Variants in SORBS2 observed in about 807,000 individuals in gnomAD.
SORBS2 encodes sorbin and SH3 domain-containing protein 2.
In SORBS2, 46 loss-of-function variants were observed where a neutral mutation model predicts 97.7. The ratio of observed to expected loss-of-function variants is 0.47; its 90% confidence interval spans 0.37 to 0.60. SORBS2 has a LOEUF of 0.60. Ranked by LOEUF, SORBS2 falls within the 20% of genes least tolerant of loss-of-function variation. The pLI is 0.00. For missense variants in SORBS2, 1,316 were observed against 1,282.3 expected (o/e 1.03, Z -0.40); for synonymous variants, 476 against 473.4 (o/e 1.01, Z -0.07).
At chr4:185,657,619 T>A (rs765091325), upstream of SORBS2, 1 of 1,585,252 alleles carries the variant, frequency 6.3e-7, no homozygotes, top group Non-Finnish European at 8.6e-7. Flanking sequence ...TTTGGTAACA[T>A]GGAACGTATT....
intron 1 of SORBS2, among the ~76,000 whole-genome samples, chr4:185,939,297 C>A (rs1702643665): frequency 6.6e-6 from 1 of 152,164 alleles, no homozygotes. Context: ...TCAACAAATT[C>A]TTCCGTGCAA....
chr4:185,819,761 C>T (rs1046122343), intron 1 of SORBS2, among the ~76,000 whole-genome samples: 1 of 152,154 alleles, frequency 6.6e-6, no homozygotes, highest in Non-Finnish European at 1.5e-5. Flanking sequence ...CCTTGCCTAT[C>T]CAGCCACTGT....
At chr4:185,717,076 A>G (rs1014726930) in intron 2 of SORBS2, among the ~76,000 whole-genome samples, 16 of 152,234 alleles carry the variant, frequency 1.1e-4, no homozygotes, top group Non-Finnish European at 1.5e-5. Flanking sequence ...TTCTTCCTGC[A>G]ACACTACCCA....
chr4:185,791,978 A>C (rs2099082248), intron 1 of SORBS2, among the ~76,000 whole-genome samples: 2 of 152,322 alleles, frequency 1.3e-5, no homozygotes, highest in African/African-American at 4.8e-5. Flanking sequence ...CAGTTTTCTA[A>C]TGGGACAGCT....
intron 2 of SORBS2, among the ~76,000 whole-genome samples, chr4:185,736,113 C>CAG (rs2098686009): frequency 1.3e-5 from 2 of 152,340 alleles, no homozygotes; most frequent in Admixed American, 6.5e-5. Context: ...ACACACTCTC[C>CAG]ACTGCCGCAG....
chr4:185,863,223 T>G lies in SORBS2; in HGVS notation c.-337-87857A>C, dbSNP rs970880906. 2.0e-5 allele frequency among the ~76,000 whole-genome samples: 3 copies of G among 152,228 alleles called. No individual in the cohort carries two copies. The East Asian group carries it at 5.8e-4, about 29-fold the overall frequency. ...TAGAATAGGAATGATGGGATCTGCC[T>G]TCTTTCAACAATGTGTATAATATAG... is the stretch of plus-strand genomic sequence containing the variant. On this transcript the variant is annotated intron_variant, in intron 1 of 20. Transcript: ENST00000284776.
intron 2 of SORBS2, among the ~76,000 whole-genome samples, chr4:185,712,525 C>T (rs1203364560): frequency 1.3e-5 from 2 of 152,254 alleles, no homozygotes; most frequent in Non-Finnish European, 2.9e-5. Flanking sequence ...CCTTTGCCCT[C>T]GCTGGCGGGG....
At chr4:185,779,950 A>G (rs911244918) in intron 1 of SORBS2, among the ~76,000 whole-genome samples, 1 of 151,960 alleles carries the variant, frequency 6.6e-6, no homozygotes, top group African/African-American at 2.4e-5. Flanking sequence ...ATGAACAGGG[A>G]AGTGCTGAAG....
At chr4:185,741,229 CA>C (rs2098723098) in intron 2 of SORBS2, among the ~76,000 whole-genome samples, 1 of 151,534 alleles carries the variant, frequency 6.6e-6, no homozygotes, top group South Asian at 2.1e-4. Flanking sequence ...AAACCTTTAG[CA>C]TTATGTCAGA....
At chr4:185,888,392 TG>T (rs2099240773) in intron 1 of SORBS2, among the ~76,000 whole-genome samples, 1 of 152,070 alleles carries the variant, frequency 6.6e-6, no homozygotes, top group Admixed American at 6.6e-5. Context: ...ACTTGAGTGA[TG>T]GGGCCACAAG....
chr4:185,677,033 T>C, intron 4 of SORBS2: 1 of 1,551,208 alleles, frequency 6.4e-7, no homozygotes, highest in Non-Finnish European at 8.7e-7. Context: ...CCGCTGCAAC[T>C]GCAGATTTTT....
intron 1 of SORBS2, among the ~76,000 whole-genome samples, chr4:185,858,420 C>A (rs779182734): frequency 9.2e-5 from 14 of 152,202 alleles, no homozygotes; most frequent in Non-Finnish European, 1.5e-4. Context: ...CAACAGAAAA[C>A]AAACTAAGAT....
chr4:185,728,746 G>C (rs1046985242), intron 2 of SORBS2, among the ~76,000 whole-genome samples: 6 of 152,198 alleles, frequency 3.9e-5, no homozygotes, highest in African/African-American at 1.4e-4. Flanking sequence ...ACATCTCCCA[G>C]GTTTCTCATT....
intron 2 of SORBS2, among the ~76,000 whole-genome samples, chr4:185,726,433 G>A (rs1222433378): frequency 6.6e-6 from 1 of 152,030 alleles, no homozygotes; most frequent in Non-Finnish European, 1.5e-5. Context: ...AATATCAAAG[G>A]AATGTAATAG....
At chr4:185,604,623 TAA>T (rs1314772815) in intron 12 of SORBS2, among the ~76,000 whole-genome samples, 3 of 152,228 alleles carry the variant, frequency 2.0e-5, no homozygotes, top group African/African-American at 7.2e-5. Flanking sequence ...TCCAACATTT[TAA>T]AGTTACTAAT....
intron 1 of SORBS2, among the ~76,000 whole-genome samples, chr4:185,945,215 T>C (rs2099273968): frequency 6.6e-6 from 1 of 152,234 alleles, no homozygotes; most frequent in Non-Finnish European, 1.5e-5. Context: ...TTCTGTCAAC[T>C]TGTTGATACA....
intron 2 of SORBS2, chr4:185,773,523 G>A (rs931555162): frequency 3.3e-5 from 5 of 152,130 alleles, no homozygotes; most frequent in Admixed American, 3.3e-4. Flanking sequence ...CCGCCCCTTT[G>A]GAGATTTGTC....
At chr4:185,735,011 A>AAT (rs2098673895) in intron 2 of SORBS2, among the ~76,000 whole-genome samples, 2 of 152,170 alleles carry the variant, frequency 1.3e-5, no homozygotes, top group Admixed American at 1.3e-4. Context: ...CTGACCATTT[A>AAT]AGGCTCTACA....
intron 2 of SORBS2, among the ~76,000 whole-genome samples, chr4:185,712,212 C>T (rs2098426182): frequency 6.6e-6 from 1 of 152,128 alleles, no homozygotes; most frequent in South Asian, 2.1e-4. Context: ...CCATAAAAAC[C>T]CCAGACTTAG....
Sources: allele counts gnomAD v4.1 joint callset (sites outside exome capture counted in the v4.1 genomes callset), GRCh38; gene constraint gnomAD v4.1.1; transcripts MANE v1.5; gene names NCBI Gene and HGNC (gene_info 2026-07-23, HGNC 2026-07-21).